ANKRD30B: variants seen among roughly 807,000 people sequenced by gnomAD.
ANKRD30B encodes ankyrin repeat domain-containing protein 30B.
A neutral mutation model predicts 202.2 loss-of-function variants in ANKRD30B; 144 were observed. That is an observed-to-expected ratio of 0.71 (90% CI 0.62 to 0.82). The LOEUF (loss-of-function observed/expected upper bound fraction) is 0.82. Ranked by LOEUF, ANKRD30B falls within the 40% of genes least tolerant of loss-of-function variation. The probability of loss-of-function intolerance (pLI) is 0.00; values close to 1 mark genes in which losing one functional copy is unlikely to be tolerated. For synonymous variants in ANKRD30B, 508 were observed against 561.3 expected (o/e 0.91, Z 1.34); for missense variants, 1,487 against 1,669.1 (o/e 0.89, Z 1.90).
At chr18:14,870,272 G>A in the ANKRD30B span, among the ~76,000 whole-genome samples, 2 of 152,198 alleles carry the variant, frequency 1.3e-5, no homozygotes, top group Non-Finnish European at 1.5e-5. Context: ...GGGCCACTGC[G>A]CCTGGCCTAA....
the ANKRD30B span, among the ~76,000 whole-genome samples, chr18:14,900,599 C>A: frequency 6.6e-6 from 1 of 152,154 alleles, no homozygotes; most frequent in Non-Finnish European, 1.5e-5. Flanking sequence ...AACTTTTATT[C>A]TCTCCTTTTT....
the ANKRD30B span, among the ~76,000 whole-genome samples, chr18:14,905,090 AGTTTAC>A: frequency 6.6e-6 from 1 of 152,332 alleles, no homozygotes; most frequent in African/African-American, 2.4e-5. Context: ...GCACCAGGAC[AGTTTAC>A]AAATGCCATG....
the ANKRD30B span, among the ~76,000 whole-genome samples, chr18:14,919,105 T>C: frequency 6.6e-6 from 1 of 152,194 alleles, no homozygotes; most frequent in Non-Finnish European, 1.5e-5. Flanking sequence ...GAGAGCTGCA[T>C]AAAATGCACT....
chr18:14,809,423 C>T (rs1969772828), intron 26 of ANKRD30B, among the ~76,000 whole-genome samples: 1 of 150,856 alleles, frequency 6.6e-6, no homozygotes, highest in South Asian at 2.1e-4. Flanking sequence ...AGCTAGACAA[C>T]TGGTTAGACC....
the ANKRD30B span, among the ~76,000 whole-genome samples, chr18:14,862,058 C>T: frequency 1.7e-3 from 259 of 152,048 alleles, no homozygotes; most frequent in African/African-American, 3.0e-3. Flanking sequence ...AGAATTAAGG[C>T]GGAAATTTAA....
the ANKRD30B span, chr18:14,903,446 T>C: frequency 6.6e-6 from 1 of 152,192 alleles, no homozygotes; most frequent in Non-Finnish European, 1.5e-5. Flanking sequence ...AATTCACTTG[T>C]AAATCATGCT....
chr18:14,856,554 C>A (rs1972113899), downstream of ANKRD30B, among the ~76,000 whole-genome samples: 1 of 130,418 alleles, frequency 7.7e-6, no homozygotes, highest in African/African-American at 2.7e-5. Context: ...GGCAGAGGCG[C>A]TCCTCACTTC....
At chr18:14,878,188 C>T in the ANKRD30B span, among the ~76,000 whole-genome samples, 2 of 152,104 alleles carry the variant, frequency 1.3e-5, no homozygotes, top group Non-Finnish European at 2.9e-5. Flanking sequence ...TTAAAATGCA[C>T]TCAGTGGATA....
At chr18:14,841,960 C>T (rs1971436438) in intron 37 of ANKRD30B, among the ~76,000 whole-genome samples, 1 of 152,104 alleles carries the variant, frequency 6.6e-6, no homozygotes, top group South Asian at 2.1e-4. Context: ...AGAGCATTAG[C>T]TTTATTTTTA....
chr18:14,789,793 G>A (rs902434075), intron 15 of ANKRD30B, among the ~76,000 whole-genome samples: 1 of 152,296 alleles, frequency 6.6e-6, no homozygotes, highest in African/African-American at 2.4e-5. Context: ...GGTCACTGAA[G>A]CCTTGTAGTA....
At chr18:14,934,946 ACACC>A in the ANKRD30B span, among the ~76,000 whole-genome samples, 1 of 138,990 alleles carries the variant, frequency 7.2e-6, no homozygotes, top group Non-Finnish European at 1.5e-5. Flanking sequence ...ACACACACAC[ACACC>A]CCATCGTGTC....
At position 14,814,726 on chromosome 18, in the gene ANKRD30B, T is replaced by G. The variant is rs1970002911; in HGVS notation, c.2641+15T>G. The G allele has an allele frequency of 3.2e-6, 3 of 937,348 alleles. No individual in the cohort carries two copies. In the Admixed American group the frequency reaches 9.1e-5, roughly 28 times the overall value. 58.1% of individuals were successfully genotyped at this position (937,348 alleles called of 1,614,324 possible). ...AAAATTAGAAGGTAAGAACCATATTTTATTTAAAAAGTCATTTGACCAAAT... is the reference window on the plus strand; with the variant it reads ...AAAATTAGAAGGTAAGAACCATATTGTATTTAAAAAGTCATTTGACCAAAT... On this transcript the variant is annotated intron_variant, in intron 30 of 43. Transcript: ENST00000690538.
In ANKRD30B at chr18:14,748,395, C is replaced by T. The variant is rs2143604073; in HGVS notation, c.-25C>T. 1 of 1,418,228 alleles carries T rather than the reference C, an allele frequency of 7.1e-7. No individual in the cohort carries two copies. Among genetic ancestry groups the T allele is most frequent in the East Asian group, 2.7e-5 (1 of 36,572 alleles). 87.9% of individuals were successfully genotyped at this position (1,418,228 alleles called of 1,614,324 possible). ...GGGAAGGGCGAGCGGGAGGCGCGGG[C>T]TCTCTCTAGCAGGGGGCTGCAGCCA... On this transcript the variant is annotated 5_prime_UTR_variant, in exon 1 of 44. Coordinates refer to ENST00000690538, the MANE Select transcript of ANKRD30B (RefSeq NM_001367607.2).
chr18:14,879,221 A>G, the ANKRD30B span, among the ~76,000 whole-genome samples: 1 of 152,082 alleles, frequency 6.6e-6, no homozygotes. Flanking sequence ...GACCAGTTAG[A>G]AGGGTTCAGT....
rs1350749093 is a variant in ANKRD30B, at chr18:14,796,372, A to G, written c.1884A>G (p.Pro628=). The G allele has an allele frequency of 1.3e-6, 2 of 1,569,454 alleles. No individual in the cohort carries two copies. Among genetic ancestry groups the G allele is most frequent in the South Asian group, 2.3e-5 (2 of 86,938 alleles). Residue 628 remains proline, a synonymous_variant, in exon 18 of 44, where the codon CCA becomes CCG. Transcript: ENST00000690538. The stretch of plus-strand genomic sequence containing the variant: ...CCTGTGGAAGGAAAGTTTCTCTTCC[A>G]AATAAAGCCTTAGAATTAAAGGACA... ...KPTCGRKVSL[P]NKALELKDRE... is the part of the protein sequence containing the mutation.
chr18:14,803,486 T>C, intron 23 of ANKRD30B: 2 of 411,202 alleles, frequency 4.9e-6, no homozygotes, highest in Non-Finnish European at 9.4e-6. Context: ...TTCGTGAGTG[T>C]GATTTGTTTT....
At chr18:14,791,593 G>A in intron 16 of ANKRD30B, 102 bp downstream of exon 16, 1 of 860,378 alleles carries the variant, frequency 1.2e-6, no homozygotes, top group Admixed American at 2.9e-5. Flanking sequence ...CCTCCTTAAT[G>A]CAAAGCACAG....
At chr18:14,786,897 A>T in intron 14 of ANKRD30B, 142 bp from the exon 15 acceptor site, 1 of 694,992 alleles carries the variant, frequency 1.4e-6, no homozygotes, top group Non-Finnish European at 2.3e-6. Context: ...CTATAGAAGT[A>T]GTCACTGTAA....
the ANKRD30B span, among the ~76,000 whole-genome samples, chr18:14,908,036 G>C: frequency 2.0e-5 from 3 of 152,190 alleles, no homozygotes; most frequent in Non-Finnish European, 4.4e-5. Context: ...ACAGATGGTT[G>C]ATGCTTTTAT....
Sources: gnomAD v4.1 joint callset for allele counts (sites outside exome capture counted in the v4.1 genomes callset) on GRCh38, gnomAD v4.1.1 for gene constraint, MANE v1.5 for transcripts, NCBI Gene and HGNC (gene_info 2026-07-23, HGNC 2026-07-21) for gene names.